AGAP1: variants seen among roughly 807,000 people sequenced by gnomAD.
The protein encoded by AGAP1 is ArfGAP with GTPase domain, ankyrin repeat and PH domain 1, also known as arf-GAP with GTPase, ANK repeat and PH domain-containing protein 1.
A neutral mutation model predicts 105.3 loss-of-function variants in AGAP1; 29 were observed. The ratio of observed to expected loss-of-function variants is 0.28; its 90% CI spans 0.21 to 0.38. The LOEUF is 0.38. Ranked by LOEUF, AGAP1 falls within the 10% of genes least tolerant of loss-of-function variation. AGAP1 has a pLI of 1.00. For synonymous variants in AGAP1, 509 were observed against 485.9 expected (o/e 1.05, Z -0.63); for missense variants, 998 against 1,165.1 (o/e 0.86, Z 2.09).
rs190068056 is a variant in AGAP1 at position 235,557,050 on chromosome 2, A to G, written c.163+62201A>G. Among the ~76,000 whole-genome samples, 219 of 152,234 alleles carry G rather than the reference A, an allele frequency of 1.4e-3. 1 individual carries two copies. The highest frequency in any genetic ancestry group is 4.9e-3 in the African/African-American group (204 of 41,534). On this transcript the variant is annotated intron_variant, in intron 1 of 17. Transcript: ENST00000304032. This position sits in a 1 kb window ranked among gnomAD's most constrained non-coding sequence, Gnocchi z 4.7. ...TCCCGAAGGCAGACTTGGCCTTCCC[A>G]GCTGGCGCGGGACTGGGGACTTAGG...
intron 1 of AGAP1, among the ~76,000 whole-genome samples, chr2:235,564,915 G>GC (rs1242746583): frequency 6.7e-6 from 1 of 149,404 alleles, no homozygotes; most frequent in Non-Finnish European, 1.5e-5. Flanking sequence ...CAAGGTATGA[G>GC]CCTGAACCAC....
intron 1 of AGAP1, among the ~76,000 whole-genome samples, chr2:235,604,804 G>A (rs181004205): frequency 0.013 from 1,955 of 151,076 alleles, 47 homozygotes; most frequent in African/African-American, 0.044. Flanking sequence ...GGATGGTCTC[G>A]ATCTCCTGAC....
chr2:235,730,867 A>C (rs77348163), intron 3 of AGAP1, among the ~76,000 whole-genome samples: 3,591 of 152,198 alleles, frequency 0.024, 142 homozygotes, highest in African/African-American at 0.075. Flanking sequence ...GGGTGGGGCC[A>C]ATCATTATGT....
intron 1 of AGAP1, among the ~76,000 whole-genome samples, chr2:235,575,560 G>A (rs572699778): frequency 3.2e-4 from 49 of 151,398 alleles, no homozygotes; most frequent in Admixed American, 1.4e-3. Flanking sequence ...CGTTTGTCCT[G>A]TTGCTCTGCC....
At chr2:236,011,493 A>G (rs922062512) in intron 13 of AGAP1, among the ~76,000 whole-genome samples, 1 of 152,236 alleles carries the variant, frequency 6.6e-6, no homozygotes, top group Non-Finnish European at 1.5e-5. Context: ...TATGGGAGGC[A>G]TTGTGAAACT....
chr2:235,746,144 G>A (rs1025277670), intron 5 of AGAP1, among the ~76,000 whole-genome samples: 1 of 151,816 alleles, frequency 6.6e-6, no homozygotes, highest in African/African-American at 2.4e-5. Flanking sequence ...AAAAAGCCGG[G>A]CATGTTGGCG....
At chr2:235,717,519 AT>A in intron 2 of AGAP1, 37 bp from the exon 3 acceptor site, 1 of 1,543,454 alleles carries the variant, frequency 6.5e-7, no homozygotes, top group African/African-American at 1.4e-5. Flanking sequence ...AAATAGAGTG[AT>A]TTGATGATGC....
In AGAP1 at chr2:235,689,218, G is replaced by A. The variant is rs779665401; in HGVS notation, c.164-19961G>A. Among the ~76,000 whole-genome samples the A allele has an allele frequency of 6.6e-5, 10 of 152,244 alleles. No individual in the cohort carries two copies. The highest frequency in any genetic ancestry group is 1.2e-4 in the Non-Finnish European group (8 of 68,022). Reference sequence around the variant, plus strand: ...TGGCCCCGGCCCTGCCTATGCCTTGGACACTCTTCATTCGCTAGCACCGAG... The same window carrying A: ...TGGCCCCGGCCCTGCCTATGCCTTGAACACTCTTCATTCGCTAGCACCGAG... On this transcript the variant is annotated intron_variant, in intron 1 of 17. Coordinates refer to ENST00000304032, the MANE Select transcript of AGAP1 (RefSeq NM_001037131.3). The surrounding 1 kb of genome is among the most constrained non-coding windows in gnomAD (Gnocchi z 4.2).
rs1435748766 is a variant in AGAP1 at position 235,898,280 on chromosome 2, G to A, written c.1156-10458G>A. Among the ~76,000 whole-genome samples the A allele has an allele frequency of 2.0e-5, 3 of 152,072 alleles. No individual in the cohort carries two copies. The East Asian group carries it at 5.8e-4, about 29-fold the overall frequency. ...TGAACTCAATAAGCAAAGGGAACGG[G>A]GCCTTTTGTTTTTCCCCCTTCTTTT... On this transcript the variant is annotated intron_variant, in intron 10 of 17. Transcript: ENST00000304032.
chr2:235,814,979 T>C (rs992339953), intron 9 of AGAP1, among the ~76,000 whole-genome samples: 3 of 152,074 alleles, frequency 2.0e-5, no homozygotes, highest in Non-Finnish European at 2.9e-5. Context: ...TCTGTCCCCA[T>C]AGGGTTTGAG....
Position 236,050,200 on chromosome 2 carries a change from G to A in AGAP1, c.2114+919G>A, listed in dbSNP as rs562597865. Among the ~76,000 whole-genome samples, 148 of 152,322 alleles carry A rather than the reference G, an allele frequency of 9.7e-4. No homozygotes were observed. The highest frequency in any genetic ancestry group is 3.2e-3 in the African/African-American group (135 of 41,572). ...AGTTCAAGTGGTAATCTGTGGTTAC[G>A]CCACAGAAACCGGTTTCTACTGCAG... On this transcript the variant is annotated intron_variant, in intron 16 of 17. Coordinates refer to ENST00000304032, the MANE Select transcript of AGAP1 (RefSeq NM_001037131.3). This position sits in a 1 kb window ranked among gnomAD's most constrained non-coding sequence, Gnocchi z 4.0.
rs575062178 is a variant in AGAP1 at position 235,510,159 on chromosome 2, A to T, written c.163+15310A>T. On this transcript the variant is annotated intron_variant, in intron 1 of 17. Coordinates refer to ENST00000304032, the MANE Select transcript of AGAP1 (RefSeq NM_001037131.3). ...TTTTTTTCATTATATATTACAATGC[A>T]GTAATGATAGAAATAAGGTGCACAA... Among the ~76,000 whole-genome samples, 13 of 152,326 alleles carry T rather than the reference A, an allele frequency of 8.5e-5. No homozygotes were observed. In the South Asian group the frequency reaches 2.7e-3, roughly 32 times the overall value.
At position 235,930,401 on chromosome 2, in the gene AGAP1, A is replaced by G. The variant is rs1011413317; in HGVS notation, c.1325-364A>G. The stretch of plus-strand genomic sequence containing the variant: ...ACATGGCCGGGCTCCTGGAGCCCCC[A>G]TCTTGCCGGCCTGCCGGATCGCGGT... On this transcript the variant is annotated intron_variant, in intron 11 of 17. Transcript: ENST00000304032. This position sits in a 1 kb window ranked among gnomAD's most constrained non-coding sequence, Gnocchi z 7.9. Among the ~76,000 whole-genome samples, 1 of 152,208 alleles carries G rather than the reference A, an allele frequency of 6.6e-6. No homozygotes were observed. The highest frequency in any genetic ancestry group is 1.5e-5 in the Non-Finnish European group (1 of 68,036).
chr2:235,731,785 A>G (rs556075583), intron 3 of AGAP1, among the ~76,000 whole-genome samples: 96 of 152,302 alleles, frequency 6.3e-4, no homozygotes, highest in African/African-American at 1.8e-3. Context: ...CACAAAAGCT[A>G]TTCAGGGTCA....
In AGAP1 at chr2:235,993,824, G is replaced by A. The variant is rs141938453; in HGVS notation, c.1645+25201G>A. On this transcript the variant is annotated intron_variant, in intron 13 of 17. Transcript: ENST00000304032. The surrounding 1 kb of genome is among the most constrained non-coding windows in gnomAD (Gnocchi z 5.0). ...GGAGCACAGGTGTGTCCTCACGTGC[G>A]CTTGGAGAAAGTGGAGTTTTAATTA... Among the ~76,000 whole-genome samples, 317 of 152,300 alleles carry A rather than the reference G, an allele frequency of 2.1e-3. No individual in the cohort carries two copies. Among genetic ancestry groups the A allele is most frequent in the African/African-American group, 7.2e-3 (299 of 41,564 alleles).
At chr2:235,593,014 G>A (rs1234803653) in intron 1 of AGAP1, among the ~76,000 whole-genome samples, 1 of 152,204 alleles carries the variant, frequency 6.6e-6, no homozygotes, top group East Asian at 1.9e-4. Context: ...TGAAATGAGC[G>A]TTAGGTGACC....
rs61432123 is a variant in AGAP1, at chr2:236,080,846, C to G, written c.2114+31565C>G. The stretch of plus-strand genomic sequence containing the variant: ...CTGTTTCTGTCCTCACATCTTCTGA[C>G]TCTGATTCTCCTATTTATATGACCC... On this transcript the variant is annotated intron_variant, in intron 16 of 17. Coordinates refer to ENST00000304032, the MANE Select transcript of AGAP1 (RefSeq NM_001037131.3). This position sits in a 1 kb window ranked among gnomAD's most constrained non-coding sequence, Gnocchi z 4.2. 7.1e-4 allele frequency among the ~76,000 whole-genome samples: 108 copies of G among 152,292 alleles called. No individual in the cohort carries two copies. Among genetic ancestry groups the G allele is most frequent in the African/African-American group, 2.5e-3 (102 of 41,570 alleles).
Position 235,722,094 on chromosome 2 carries a change from A to G in AGAP1, c.310+4450A>G, listed in dbSNP as rs555944154. Among the ~76,000 whole-genome samples the G allele has an allele frequency of 5.8e-4, 88 of 152,358 alleles. No individual in the cohort carries two copies. In the South Asian group the frequency reaches 8.1e-3, roughly 14 times the overall value. On this transcript the variant is annotated intron_variant, in intron 3 of 17. Transcript: ENST00000304032. ...TACTCCATAGAGAGCTTGTGATTTC[A>G]TGAAAGCCATCAAAGAGTAAACCTC... is the stretch of plus-strand genomic sequence containing the variant.
rs372658216 is a variant in AGAP1, at chr2:235,722,726, C to T, written c.310+5082C>T. Among the ~76,000 whole-genome samples the T allele has an allele frequency of 5.1e-4, 77 of 152,252 alleles. 1 individual carries two copies. The East Asian group carries it at 6.6e-3, about 13-fold the overall frequency. Reference sequence around the variant, plus strand: ...TAGGTCCCAGGGGTTAGGGCTTGAACGTATCTTCTAGGGGATACAATTCAA... The same window carrying T: ...TAGGTCCCAGGGGTTAGGGCTTGAATGTATCTTCTAGGGGATACAATTCAA... On this transcript the variant is annotated intron_variant, in intron 3 of 17. Transcript: ENST00000304032.
Sources: allele counts gnomAD v4.1 joint callset (sites outside exome capture counted in the v4.1 genomes callset), GRCh38; gene constraint gnomAD v4.1.1; non-coding constraint Gnocchi (gnomAD v3.1); transcripts MANE v1.5; gene names NCBI Gene and HGNC (gene_info 2026-07-23, HGNC 2026-07-21).